Variants in MYO16 observed in about 807,000 individuals in gnomAD.
The protein encoded by MYO16 is myosin XVI.
In MYO16, 94 loss-of-function variants were observed where a neutral mutation model predicts 205.3. That is an observed-to-expected ratio of 0.46 (90% confidence interval 0.39 to 0.54). The LOEUF (loss-of-function observed/expected upper bound fraction) is 0.54, where lower values mean the gene tolerates loss of function less well. Ranked by LOEUF, MYO16 falls within the 20% of genes least tolerant of loss-of-function variation. MYO16 has a pLI of 0.00. For missense variants in MYO16, 2,315 were observed against 2,387.5 expected (o/e 0.97, Z 0.63); for synonymous variants, 988 against 954.0 (o/e 1.04, Z -0.66).
intron 12 of MYO16, among the ~76,000 whole-genome samples, chr13:108,869,427 TA>T (rs927521977): frequency 6.6e-6 from 1 of 151,728 alleles, no homozygotes; most frequent in Non-Finnish European, 1.5e-5. Context: ...AAAAACAGTT[TA>T]AAAAATCTTA....
At chr13:108,823,369 GT>G in intron 9 of MYO16, 91 bp downstream of exon 9, 1 of 1,214,924 alleles carries the variant, frequency 8.2e-7, no homozygotes, top group Non-Finnish European at 1.1e-6. Flanking sequence ...CAGCCAAAGA[GT>G]TAGAACAATT....
chr13:109,073,589 C>T (rs895972451), intron 27 of MYO16, among the ~76,000 whole-genome samples: 1 of 152,184 alleles, frequency 6.6e-6, no homozygotes, highest in East Asian at 1.9e-4. Context: ...AGACAAGTAC[C>T]TGCTGATGTA....
upstream of MYO16, among the ~76,000 whole-genome samples, chr13:108,595,881 CT>C (rs67620613): frequency 9.4e-3 from 1,013 of 108,298 alleles, 8 homozygotes; most frequent in African/African-American, 0.029. Flanking sequence ...AAATTAAGTC[CT>C]TTTTTTTTTT....
intron 20 of MYO16, among the ~76,000 whole-genome samples, chr13:108,987,108 T>C (rs946200660): frequency 6.6e-6 from 1 of 152,142 alleles, no homozygotes; most frequent in Non-Finnish European, 1.5e-5. Flanking sequence ...TCGCAAGGGG[T>C]CCGCAGTTCT....
At chr13:108,664,789 T>A (rs951801411) in intron 1 of MYO16, among the ~76,000 whole-genome samples, 3 of 152,240 alleles carry the variant, frequency 2.0e-5, no homozygotes, top group African/African-American at 7.2e-5. Flanking sequence ...GTGGTAAATA[T>A]AAGTGTTTAT....
chr13:109,100,686 A>G, intron 27 of MYO16, 99 bp from the exon 28 acceptor site: 7 of 891,214 alleles, frequency 7.9e-6, no homozygotes, highest in Non-Finnish European at 1.2e-5. Flanking sequence ...AAAGACGGGG[A>G]AACTTTTGGG....
chr13:109,116,585 A>G (rs751738734), intron 28 of MYO16, among the ~76,000 whole-genome samples: 2 of 152,198 alleles, frequency 1.3e-5, no homozygotes, highest in Non-Finnish European at 2.9e-5. Flanking sequence ...TTCCTGAAGT[A>G]TCTAGTACAT....
At chr13:108,922,554 G>A (rs908588139) in intron 16 of MYO16, among the ~76,000 whole-genome samples, 1 of 152,144 alleles carries the variant, frequency 6.6e-6, no homozygotes, top group African/African-American at 2.4e-5. Context: ...TCTAAAATCC[G>A]GTGCTTATGT....
chr13:108,956,048 T>A (rs560461443), intron 16 of MYO16, among the ~76,000 whole-genome samples: 6 of 152,340 alleles, frequency 3.9e-5, no homozygotes, highest in African/African-American at 1.4e-4. Flanking sequence ...TATTCTCTAG[T>A]GTTTTTCTGA....
At chr13:108,545,614 C>T in the MYO16 span, among the ~76,000 whole-genome samples, 825 of 152,326 alleles carry the variant, frequency 5.4e-3, 9 homozygotes, top group African/African-American at 0.019. Flanking sequence ...TGCATTCCCA[C>T]CAGCAGTGTA....
chr13:108,987,024 G>A (rs1462000824), intron 20 of MYO16, among the ~76,000 whole-genome samples: 1 of 152,150 alleles, frequency 6.6e-6, no homozygotes, highest in African/African-American at 2.4e-5. Flanking sequence ...GCTCCTAACA[G>A]TGCTTTGTGC....
intron 23 of MYO16, among the ~76,000 whole-genome samples, chr13:109,023,601 G>T (rs1744342479): frequency 8.3e-6 from 1 of 120,836 alleles, no homozygotes; most frequent in African/African-American, 3.2e-5. Flanking sequence ...AAATATAAAT[G>T]TACATATTTA....
intron 27 of MYO16, among the ~76,000 whole-genome samples, chr13:109,099,165 G>T (rs1355804216): frequency 6.6e-6 from 1 of 152,146 alleles, no homozygotes; most frequent in African/African-American, 2.4e-5. Flanking sequence ...ATGTTCATTA[G>T]CAGCTCCTGA....
chr13:108,670,029 A>G (rs1412592941), intron 2 of MYO16, among the ~76,000 whole-genome samples: 1 of 152,212 alleles, frequency 6.6e-6, no homozygotes, highest in Non-Finnish European at 1.5e-5. Flanking sequence ...ACCATGGCAT[A>G]TGTATACCTA....
chr13:109,048,153 ATGTGTG>A (rs34750704), intron 24 of MYO16, among the ~76,000 whole-genome samples: 10,628 of 140,944 alleles, frequency 0.075, 441 homozygotes, highest in African/African-American at 0.092. Context: ...TTAATAGGAT[ATGTGTG>A]TGTGTGTGTG....
the MYO16 span, among the ~76,000 whole-genome samples, chr13:108,539,333 C>T: frequency 2.0e-5 from 3 of 152,098 alleles, no homozygotes; most frequent in Admixed American, 2.0e-4. Context: ...CAGGACAGGG[C>T]CCACATTTCA....
intron 8 of MYO16, 62 bp from the exon 9 acceptor site, chr13:108,823,063 A>C: frequency 7.0e-7 from 1 of 1,430,942 alleles, no homozygotes; most frequent in Non-Finnish European, 9.5e-7. Flanking sequence ...ATTGAAAGTA[A>C]ATAGATTTAT....
chr13:108,661,712 T>G (rs190256385), intron 1 of MYO16, among the ~76,000 whole-genome samples: 1 of 152,336 alleles, frequency 6.6e-6, no homozygotes, highest in Non-Finnish European at 1.5e-5. Flanking sequence ...TGGATTTCCT[T>G]GCATTGGGCT....
rs145275608 is a variant in MYO16, at chr13:108,790,130, G to C, written c.617-3386G>C. ...GGTGGCGCAGATCCTCCCACAACTC[G>C]GGAGAGCGCGCAGCTGTGCAGCTCA... is the stretch of plus-strand genomic sequence containing the variant. On this transcript the variant is annotated intron_variant, in intron 5 of 34. Coordinates refer to ENST00000457511, the MANE Select transcript of MYO16 (RefSeq NM_001198950.3). 2.2e-3 allele frequency among the ~76,000 whole-genome samples: 340 copies of C among 152,298 alleles called. 2 individuals are homozygous for C. Among genetic ancestry groups the C allele is most frequent in the African/African-American group, 7.9e-3 (329 of 41,562 alleles).
Sources: gnomAD v4.1 joint callset for allele counts (sites outside exome capture counted in the v4.1 genomes callset) on GRCh38, gnomAD v4.1.1 for gene constraint, MANE v1.5 for transcripts, NCBI Gene and HGNC (gene_info 2026-07-23, HGNC 2026-07-21) for gene names.